DOCK8: variants seen among roughly 807,000 people sequenced by gnomAD.
DOCK8 encodes dedicator of cytokinesis protein 8.
Under a neutral mutation model 245.6 loss-of-function variants are expected in DOCK8, and 141 were observed. That is an observed-to-expected ratio of 0.57 (90% CI 0.50 to 0.66). The LOEUF (loss-of-function observed/expected upper bound fraction) is 0.66. Ranked by LOEUF, DOCK8 falls within the 30% of genes least tolerant of loss-of-function variation. The pLI, the probability that DOCK8 is intolerant of heterozygous loss-of-function variation, is 0.00. For missense variants in DOCK8, 2,965 were observed against 2,603.4 expected, an observed-to-expected ratio of 1.14 and a Z score of -3.02; for synonymous variants, 1,168 against 970.2, an observed-to-expected ratio of 1.20 and a Z score of -3.79.
At chr9:428,887 G>A (rs1232062465) in intron 35 of DOCK8, among the ~76,000 whole-genome samples, 1 of 152,238 alleles carries the variant, frequency 6.6e-6, no homozygotes, top group Non-Finnish European at 1.5e-5. Flanking sequence ...AAAATGCCAG[G>A]AAGGTCAGAA....
At chr9:459,686 C>G (rs2057744865) in intron 46 of DOCK8, 2 of 152,230 alleles carry the variant, frequency 1.3e-5, no homozygotes, top group African/African-American at 4.8e-5. Context: ...CTCTCAGTTG[C>G]ACTGAGACAG....
intron 40 of DOCK8, among the ~76,000 whole-genome samples, chr9:439,968 T>G (rs886425738): frequency 2.0e-5 from 3 of 152,098 alleles, no homozygotes; most frequent in Admixed American, 6.5e-5. Context: ...GAAAAATATA[T>G]AGAGAGATGA....
chr9:346,972 G>C (rs1362873849), intron 14 of DOCK8, among the ~76,000 whole-genome samples: 2 of 152,162 alleles, frequency 1.3e-5, no homozygotes, highest in African/African-American at 2.4e-5. Context: ...TAGGTTCCCA[G>C]TTTAAGCCCA....
In DOCK8 at chr9:232,413, A is replaced by T. The variant is rs1447991318; in HGVS notation, c.53+17384A>T. ...TATCAGGATGATGCTGGCCTCATCA[A>T]ATGAGTTAGGGAGTATTCCCTCTTT... On this transcript the variant is annotated intron_variant, in intron 1 of 47. Transcript: ENST00000432829. Among the ~76,000 whole-genome samples the T allele has an allele frequency of 2.0e-5, 3 of 152,278 alleles. No homozygotes were observed. In the East Asian group the frequency reaches 5.8e-4, roughly 29 times the overall value.
intron 4 of DOCK8, among the ~76,000 whole-genome samples, chr9:302,805 T>C (rs2049615504): frequency 6.6e-6 from 1 of 152,012 alleles, no homozygotes; most frequent in African/African-American, 2.4e-5. Context: ...TGATACCAAC[T>C]CACAACAGTC....
At chr9:271,906 C>A (rs867956028) in intron 2 of DOCK8, among the ~76,000 whole-genome samples, 177 bp downstream of exon 2, 1 of 152,156 alleles carries the variant, frequency 6.6e-6, no homozygotes, top group African/African-American at 2.4e-5. Flanking sequence ...TCTCTGCCAA[C>A]CGGTACTTAG....
At chr9:349,435 G>C (rs1403685356) in intron 14 of DOCK8, among the ~76,000 whole-genome samples, 1 of 152,208 alleles carries the variant, frequency 6.6e-6, no homozygotes, top group Non-Finnish European at 1.5e-5. Flanking sequence ...GATAAAATTA[G>C]AGGAGCTCAA....
intron 9 of DOCK8, among the ~76,000 whole-genome samples, chr9:330,570 T>C (rs2050964975): frequency 6.6e-6 from 1 of 152,162 alleles, no homozygotes; most frequent in African/African-American, 2.4e-5. Flanking sequence ...CTGAGTGGTT[T>C]TGAAGAAAAT....
In DOCK8 at chr9:404,931, T is replaced by C; in HGVS notation, c.3248T>C (p.Leu1083Pro). The C allele has an allele frequency of 1.9e-6, 3 of 1,614,124 alleles. No homozygotes were observed. The change falls in exon 27 of 48, where the codon CTC becomes CCC. Residue 1083 changes from leucine to proline, a missense_variant. Physicochemically the swap from Leu to Pro is moderately conservative, Grantham distance 98 (BLOSUM62 -3). Transcript: ENST00000432829. The stretch of plus-strand genomic sequence containing the variant: ...TTTTCTTCCCAGCTGTCAGCCAAGC[T>C]CAGTAACCTTCCAACGCTCATTTCC... ...RHYCSQLSAK[L>P]SNLPTLISMR... is the part of the protein sequence containing the mutation.
intron 1 of DOCK8, among the ~76,000 whole-genome samples, chr9:249,030 G>A (rs558882048): frequency 6.6e-6 from 1 of 152,274 alleles, no homozygotes; most frequent in East Asian, 1.9e-4. Context: ...ACTCTTCCAG[G>A]TTGAACCCAA....
chr9:328,204 A>T, intron 9 of DOCK8, 33 bp downstream of exon 9: 1 of 1,599,280 alleles, frequency 6.3e-7, no homozygotes, highest in Non-Finnish European at 8.5e-7. Context: ...GCCCAATCTG[A>T]TGTTTTCATT....
intron 1 of DOCK8, among the ~76,000 whole-genome samples, chr9:235,910 C>G (rs565375203): frequency 1.1e-4 from 17 of 152,350 alleles, no homozygotes; most frequent in African/African-American, 3.8e-4. Context: ...ACCCACTGTC[C>G]TGTACCTACT....
In DOCK8 at chr9:464,401, T is replaced by C. The variant is rs982509861; in HGVS notation, c.*182T>C. Reference sequence around the variant, plus strand: ...TATTCCCAAATGGACTCTGACCAGATTTTTGCCATACTGGGGGGTGGCGGG... The same window carrying C: ...TATTCCCAAATGGACTCTGACCAGACTTTTGCCATACTGGGGGGTGGCGGG... On this transcript the variant is annotated 3_prime_UTR_variant, in exon 48 of 48. Coordinates refer to ENST00000432829, the MANE Select transcript of DOCK8 (RefSeq NM_203447.4). The C allele has an allele frequency of 5.6e-5, 38 of 676,326 alleles. No homozygotes were observed. In the Admixed American group the frequency reaches 7.3e-4, roughly 13 times the overall value. The allele number at this position is 676,326 out of a possible 1,614,324, so 41.9% of individuals were successfully genotyped here.
In DOCK8 at chr9:400,037, C is replaced by T. The variant is rs906382312; in HGVS notation, c.3234+778C>T. Among the ~76,000 whole-genome samples, 162 of 120,396 alleles carry T rather than the reference C, an allele frequency of 1.3e-3. 2 individuals are homozygous for T. The highest frequency in any genetic ancestry group is 5.3e-3 in the African/African-American group (134 of 25,180). 79.0% of individuals were successfully genotyped at this position (120,396 alleles called of 152,430 possible). On this transcript the variant is annotated intron_variant, in intron 26 of 47. Transcript: ENST00000432829. ...ATCACCACCACCTCCACCATCACCA[C>T]CACCACCTCCACCATCACCACCTCC...
rs62533430 is a variant in DOCK8, at chr9:333,555, C to T, written c.1126-670C>T. 1.7e-4 allele frequency among the ~76,000 whole-genome samples: 26 copies of T among 150,930 alleles called. No individual in the cohort carries two copies. In the East Asian group the frequency reaches 2.0e-3, roughly 11 times the overall value. ...GGCGGAGGTTGCAGTGAGCCGAGAT[C>T]GTGCCACTGCACTCCAGCCTGGGTG... On this transcript the variant is annotated intron_variant, in intron 10 of 47. Coordinates refer to ENST00000432829, the MANE Select transcript of DOCK8 (RefSeq NM_203447.4).
At chr9:391,754 G>T (rs1260084484) in intron 24 of DOCK8, among the ~76,000 whole-genome samples, 1 of 151,228 alleles carries the variant, frequency 6.6e-6, no homozygotes, top group African/African-American at 2.4e-5. Flanking sequence ...TTTGGAGTAG[G>T]TTGAGATTTA....
At position 386,261 on chromosome 9, in the gene DOCK8, G is replaced by A. The variant is rs2053945739; in HGVS notation, c.2779-70G>A. On this transcript the variant is annotated intron_variant, in intron 22 of 47. Coordinates refer to ENST00000432829, the MANE Select transcript of DOCK8 (RefSeq NM_203447.4). ...GTATAAAAAAATGAATTCTGAGGTT[G>A]TGATTTCCAGATGTCTGGCTTACCT... is the stretch of plus-strand genomic sequence containing the variant. The A allele has an allele frequency of 9.0e-6, 12 of 1,334,272 alleles. No individual in the cohort carries two copies. The South Asian group carries it at 1.1e-4, about 12-fold the overall frequency. The allele number at this position is 1,334,272 out of a possible 1,614,324, so 82.7% of individuals were successfully genotyped here.
chr9:338,960 A>G (rs2051446031), intron 12 of DOCK8, 46 bp from the exon 13 acceptor site: 3 of 1,540,198 alleles, frequency 1.9e-6, no homozygotes, highest in Non-Finnish European at 2.7e-6. Context: ...CCCCAACCCA[A>G]GAGTCAAAGG....
intron 44 of DOCK8, among the ~76,000 whole-genome samples, chr9:446,842 G>A (rs1011839060): frequency 2.0e-5 from 3 of 151,586 alleles, no homozygotes; most frequent in Non-Finnish European, 4.4e-5. Context: ...TATATCTTTA[G>A]TATAAGTGTG....
Sources: allele counts gnomAD v4.1 joint callset (sites outside exome capture counted in the v4.1 genomes callset), GRCh38; gene constraint gnomAD v4.1.1; transcripts MANE v1.5; gene names NCBI Gene and HGNC (gene_info 2026-07-23, HGNC 2026-07-21).